PHIP: variants seen among roughly 807,000 people sequenced by gnomAD.
The protein encoded by PHIP is PHIP subunit of CUL4-Ring ligase complex.
PHIP carries 54 observed loss-of-function variants against 236.8 expected under a neutral mutation model. The ratio of observed to expected loss-of-function variants is 0.23; its 90% CI spans 0.18 to 0.29. The LOEUF (loss-of-function observed/expected upper bound fraction) is 0.29. Among genes scored for constraint, PHIP ranks in the 10% least tolerant of loss-of-function variants. The pLI is 1.00. For missense variants in PHIP, 1,370 were observed against 2,190.8 expected, an observed-to-expected ratio of 0.63 and a Z score of 7.48; for synonymous variants, 756 against 718.9, an observed-to-expected ratio of 1.05 and a Z score of -0.83.
chr6:78,993,782 C>T (rs1769425670), intron 19 of PHIP, among the ~76,000 whole-genome samples: 1 of 152,218 alleles, frequency 6.6e-6, no homozygotes. Context: ...GTGTTCTCTT[C>T]ATGCCTGCTA....
In PHIP at chr6:78,966,007, G is replaced by T. The variant is rs1269812345; in HGVS notation, c.3255C>A (p.Ile1085=). 1.9e-6 allele frequency: 3 copies of T among 1,613,582 alleles called. No homozygotes were observed. Among genetic ancestry groups the T allele is most frequent in the African/African-American group, 2.7e-5 (2 of 74,896 alleles). ...CAAGTTGAAGAGGTTCCTGGCTTTC[G>T]ATTGTTCCAAACCACCAGGCATCAT... is the stretch of plus-strand genomic sequence containing the variant. ...VIDDAWWFGT[I]ESQEPLQLEY... is the part of the protein sequence containing the mutation. Residue 1085 remains isoleucine (I), a synonymous_variant, in exon 28 of 40, where the codon ATC becomes ATA. Coordinates refer to ENST00000275034, the MANE Select transcript of PHIP (RefSeq NM_017934.7).
intron 38 of PHIP, 172 bp from the exon 39 acceptor site, chr6:78,945,669 C>A (rs1438214541): frequency 3.2e-6 from 2 of 629,350 alleles, no homozygotes; most frequent in African/African-American, 3.7e-5. Context: ...ACTAGAAACT[C>A]TTAATAGTTT....
At chr6:78,955,991 TC>T (rs1766393946) in intron 32 of PHIP, 1 of 186,112 alleles carries the variant, frequency 5.4e-6, no homozygotes, top group Non-Finnish European at 1.1e-5. Context: ...TTTCTTGTCT[TC>T]CAACTCTTTC....
chr6:78,935,339 A>G lies in PHIP; in HGVS notation c.*5354T>C, dbSNP rs1053773537. ...AATTTGAAATGTTATGGCCTTATGT[A>G]TTCATATCTAATGGTCTTCATGCTA... On this transcript the variant is annotated 3_prime_UTR_variant, in exon 40 of 40. Coordinates refer to ENST00000275034, the MANE Select transcript of PHIP (RefSeq NM_017934.7). 3 of 164,350 alleles carry G rather than the reference A, an allele frequency of 1.8e-5. No individual in the cohort carries two copies. Among genetic ancestry groups the G allele is most frequent in the Non-Finnish European group, 2.5e-5 (2 of 79,182 alleles). The allele number at this position is 164,350 out of a possible 1,614,324, so 10.2% of individuals were successfully genotyped here.
Position 78,935,520 on chromosome 6 carries a change from CG to C in PHIP, c.*5172del. 6.1e-6 allele frequency: 6 copies of C among 977,286 alleles called. No homozygotes were observed. The highest frequency in any genetic ancestry group is 7.3e-6 in the Non-Finnish European group (6 of 822,664). 60.5% of individuals were successfully genotyped at this position (977,286 alleles called of 1,614,324 possible). The stretch of plus-strand genomic sequence containing the variant: ...GTGTTCCACTGAAATGTATCTCTTA[CG>C]AAAGTATCTGAATAGTGAAGTATTT... On this transcript the variant is annotated 3_prime_UTR_variant, in exon 40 of 40. Coordinates refer to ENST00000275034, the MANE Select transcript of PHIP (RefSeq NM_017934.7).
At chr6:79,063,454 T>C (rs1246283526) in intron 4 of PHIP, among the ~76,000 whole-genome samples, 1 of 152,208 alleles carries the variant, frequency 6.6e-6, no homozygotes, top group Admixed American at 6.5e-5. Context: ...TCTCCCTCTG[T>C]CACCCAGGAC....
intron 27 of PHIP, among the ~76,000 whole-genome samples, chr6:78,968,695 A>G (rs1176130116): frequency 2.6e-5 from 4 of 151,872 alleles, no homozygotes; most frequent in Non-Finnish European, 4.4e-5. Context: ...GCAAAACAGC[A>G]TATAATTCCT....
At position 78,937,114 on chromosome 6, in the gene PHIP, C is replaced by G. The variant is rs116023286; in HGVS notation, c.*3579G>C. 6.6e-6 allele frequency: 1 copy of G among 151,712 alleles called. No homozygotes were observed. The highest frequency in any genetic ancestry group is 1.5e-5 in the Non-Finnish European group (1 of 67,668). The allele number at this position is 151,712 out of a possible 1,614,324, so 9.4% of individuals were successfully genotyped here. ...CTCCTGCATATAAGCAGAACACTTA[C>G]AGTCCTTTAATCACTCAAGTATCTT... On this transcript the variant is annotated 3_prime_UTR_variant, in exon 40 of 40. Transcript: ENST00000275034.
rs1292936269 is a variant in PHIP, at chr6:78,946,109, T to C, written c.4522A>G (p.Ser1508Gly). 2 of 1,613,952 alleles carry C rather than the reference T, an allele frequency of 1.2e-6. No individual in the cohort carries two copies. Among genetic ancestry groups the C allele is most frequent in the Non-Finnish European group, 1.7e-6 (2 of 1,179,798 alleles). The change falls in exon 38 of 40, where the codon AGC becomes GGC. Residue 1508 changes from serine (S) to glycine (G), a missense_variant. Around this residue, in one of 14 missense-constraint regions of PHIP, gnomAD observed 309 missense variants for 328.3 expected, o/e 0.94. Transcript: ENST00000275034. ...ACTGGATCTACAACCACTCGGTTGC[T>C]TCTGGTTCGAACCACAGAACTAGAT... is the stretch of plus-strand genomic sequence containing the variant. Reference protein sequence around the residue: ...TESSSVVRTRSNRVVVDPVVT... With the variant: ...TESSSVVRTRGNRVVVDPVVT...
At chr6:79,013,732 T>C (rs910329995) in intron 15 of PHIP, among the ~76,000 whole-genome samples, 1 of 151,626 alleles carries the variant, frequency 6.6e-6, no homozygotes, top group African/African-American at 2.4e-5. Flanking sequence ...TATTCAATTA[T>C]GGGAGAAAAG....
At chr6:78,992,690 A>T (rs1769343395) in intron 19 of PHIP, among the ~76,000 whole-genome samples, 1 of 152,150 alleles carries the variant, frequency 6.6e-6, no homozygotes, top group Non-Finnish European at 1.5e-5. Context: ...AAGCACCATG[A>T]ACCTCACCTA....
intron 21 of PHIP, among the ~76,000 whole-genome samples, chr6:78,985,752 G>C (rs1266709832): frequency 6.6e-6 from 1 of 152,048 alleles, no homozygotes; most frequent in Non-Finnish European, 1.5e-5. Flanking sequence ...CTGAGGCACG[G>C]AATTGCTTGA....
chr6:78,995,710 T>C (rs192673794), intron 19 of PHIP, among the ~76,000 whole-genome samples: 5 of 152,334 alleles, frequency 3.3e-5, no homozygotes, highest in South Asian at 2.1e-4. Context: ...CATTCTCCGG[T>C]TGGATTCTGT....
intron 24 of PHIP, among the ~76,000 whole-genome samples, chr6:78,976,094 T>C (rs1268341574): frequency 6.6e-6 from 1 of 151,068 alleles, no homozygotes; most frequent in East Asian, 1.9e-4. Context: ...AGAACAAAGC[T>C]GGAGGCATCA....
At chr6:78,949,466 C>A (rs1774018088) in intron 35 of PHIP, among the ~76,000 whole-genome samples, 2 of 152,078 alleles carry the variant, frequency 1.3e-5, no homozygotes, top group Admixed American at 1.3e-4. Context: ...TGGGACCAGA[C>A]AACTAGATAC....
At chr6:79,021,959 C>T (rs1218214340) in intron 9 of PHIP, among the ~76,000 whole-genome samples, 2 of 152,038 alleles carry the variant, frequency 1.3e-5, no homozygotes, top group African/African-American at 4.8e-5. Context: ...CATTGCATGT[C>T]TGTATCAAAA....
chr6:79,019,072 G>C lies in PHIP; in HGVS notation c.994+17C>G, dbSNP rs772600424. On this transcript the variant is annotated intron_variant, in intron 10 of 39. Transcript: ENST00000275034. ...ATGAACAACTTTAAGTCGAAAATTA[G>C]AATGAGGGAAACTTACCAGCACTAA... 6.3e-7 allele frequency: 1 copy of C among 1,585,666 alleles called. No individual in the cohort carries two copies. The highest frequency in any genetic ancestry group is 1.3e-5 in the African/African-American group (1 of 74,438).
At chr6:79,069,607 A>G (rs1425010628) in intron 4 of PHIP, among the ~76,000 whole-genome samples, 1 of 152,112 alleles carries the variant, frequency 6.6e-6, no homozygotes, top group Non-Finnish European at 1.5e-5. Context: ...TGATATTTTT[A>G]TTATGTTACA....
intron 3 of PHIP, 68 bp from the exon 4 acceptor site, chr6:79,077,575 G>GCCCCGCGCCCCGGCGGGGA (rs1464294031): frequency 9.6e-6 from 6 of 625,340 alleles, no homozygotes; most frequent in Non-Finnish European, 9.7e-6. Flanking sequence ...TCCCCCGCCC[G>GCCCCGCGCCCCGGCGGGGA]CCCCGCGCCC....
Sources: allele counts gnomAD v4.1 joint callset (sites outside exome capture counted in the v4.1 genomes callset), GRCh38; gene constraint gnomAD v4.1.1; regional missense constraint gnomAD v4.1.1; transcripts MANE v1.5; gene names NCBI Gene and HGNC (gene_info 2026-07-23, HGNC 2026-07-21).